The following LRBA variants were observed in gnomAD, a reference collection of about 807,000 sequenced individuals.
LRBA encodes lipopolysaccharide-responsive and beige-like anchor protein.
LRBA carries 176 observed loss-of-function variants against 330.0 expected under a neutral mutation model. The observed-to-expected ratio is 0.53, with a 90% confidence interval of 0.47 to 0.60. The LOEUF (loss-of-function observed/expected upper bound fraction) is 0.60, where lower values mean the gene tolerates loss of function less well. LRBA is among the 20% of genes least tolerant of loss of function. LRBA has a pLI of 0.00. For missense variants in LRBA, 3,259 were observed against 3,444.8 expected (o/e 0.95, Z 1.35); for synonymous variants, 1,230 against 1,193.0 (o/e 1.03, Z -0.64).
At chr4:150,311,196 C>T (rs531505748) in intron 51 of LRBA, 5 of 152,234 alleles carry the variant, frequency 3.3e-5, no homozygotes, top group African/African-American at 1.2e-4. Context: ...GGAATCTTCA[C>T]TGAGATGACT....
chr4:150,785,527 T>C (rs528528908), intron 34 of LRBA, among the ~76,000 whole-genome samples: 3 of 152,330 alleles, frequency 2.0e-5, no homozygotes, highest in East Asian at 3.9e-4. Flanking sequence ...CAAGGCTAGT[T>C]TGGCCTACGC....
At chr4:150,604,356 A>C (rs1774416043) in intron 37 of LRBA, among the ~76,000 whole-genome samples, 1 of 151,622 alleles carries the variant, frequency 6.6e-6, no homozygotes, top group African/African-American at 2.4e-5. Context: ...GTGAGCTCTG[A>C]TGATGGCAAT....
intron 40 of LRBA, among the ~76,000 whole-genome samples, chr4:150,557,352 T>A (rs1767459142): frequency 6.6e-6 from 1 of 152,168 alleles, no homozygotes; most frequent in Non-Finnish European, 1.5e-5. Flanking sequence ...AGGCATAATG[T>A]CAACTGATAA....
chr4:150,615,121 C>A (rs533131979), intron 37 of LRBA, among the ~76,000 whole-genome samples: 37 of 152,302 alleles, frequency 2.4e-4, no homozygotes, highest in African/African-American at 8.7e-4. Context: ...AACAGTAATG[C>A]AAAGGCCCTG....
At chr4:150,676,477 G>T (rs1337227312) in intron 37 of LRBA, among the ~76,000 whole-genome samples, 1 of 152,060 alleles carries the variant, frequency 6.6e-6, no homozygotes, top group Non-Finnish European at 1.5e-5. Context: ...AAATAAATAC[G>T]AAAAGAAGAA....
At chr4:150,819,804 G>A (rs1179131299) in intron 30 of LRBA, among the ~76,000 whole-genome samples, 1 of 152,042 alleles carries the variant, frequency 6.6e-6, no homozygotes, top group Non-Finnish European at 1.5e-5. Flanking sequence ...TGCTGTTAAT[G>A]TTTCAGTCAC....
chr4:150,918,220 T>C (rs552205529), intron 5 of LRBA, among the ~76,000 whole-genome samples: 1 of 152,180 alleles, frequency 6.6e-6, no homozygotes, highest in South Asian at 2.1e-4. Context: ...GAATACCTGA[T>C]AAAGGACTTG....
intron 36 of LRBA, among the ~76,000 whole-genome samples, chr4:150,687,763 A>G (rs1198574068): frequency 6.6e-6 from 1 of 152,088 alleles, no homozygotes. Flanking sequence ...TCATAGCTCT[A>G]CCTAATTTTA....
At position 150,264,474 on chromosome 4, in the gene LRBA, T is replaced by TGAC. The variant is rs1383095590; in HGVS notation, c.*1247_*1248insGTC. On this transcript the variant is annotated 3_prime_UTR_variant, in exon 57 of 57. Transcript: ENST00000651943. The stretch of plus-strand genomic sequence containing the variant: ...TCTTTGTGAATCATTATTTTATTAA[T>TGAC]GATGTTTAAAATTTAGGAGCAAAAA... 6.6e-6 allele frequency: 1 copy of TGAC among 151,904 alleles called. No homozygotes were observed. Among genetic ancestry groups the TGAC allele is most frequent in the Non-Finnish European group, 1.5e-5 (1 of 67,952 alleles). The allele number at this position is 151,904 out of a possible 1,614,324, so 9.4% of individuals were successfully genotyped here. A position where few individuals can be genotyped will look rare whatever the true frequency, so the allele number is the denominator to read the frequency against.
At chr4:150,357,856 A>G (rs1256404838) in intron 47 of LRBA, among the ~76,000 whole-genome samples, 1 of 152,106 alleles carries the variant, frequency 6.6e-6, no homozygotes, top group Non-Finnish European at 1.5e-5. Flanking sequence ...AAACTATGCC[A>G]TGAAATTTCA....
chr4:150,862,009 T>A (rs1752006059), intron 22 of LRBA, among the ~76,000 whole-genome samples: 1 of 151,120 alleles, frequency 6.6e-6, no homozygotes, highest in African/African-American at 2.4e-5. Context: ...AGAATGGTGA[T>A]CATTAAAAAA....
chr4:150,703,856 A>C (rs934803149), intron 36 of LRBA, among the ~76,000 whole-genome samples: 26 of 147,380 alleles, frequency 1.8e-4, no homozygotes, highest in African/African-American at 6.1e-4. Flanking sequence ...CATTAGCCCA[A>C]AAAAAAAAAA....
intron 40 of LRBA, among the ~76,000 whole-genome samples, chr4:150,493,810 A>C (rs1402193074): frequency 6.6e-6 from 1 of 152,222 alleles, no homozygotes; most frequent in Non-Finnish European, 1.5e-5. Flanking sequence ...TGTATCCATA[A>C]GAAAAACAAG....
chr4:150,770,405 T>C, intron 34 of LRBA, among the ~76,000 whole-genome samples: 1 of 152,154 alleles, frequency 6.6e-6, no homozygotes, highest in East Asian at 1.9e-4. Context: ...CTGATATGTA[T>C]ACTTTCCTAA....
At chr4:150,711,086 A>G (rs1219038433) in intron 36 of LRBA, among the ~76,000 whole-genome samples, 3 of 152,024 alleles carry the variant, frequency 2.0e-5, no homozygotes, top group Non-Finnish European at 4.4e-5. Context: ...ATGAACCCCA[A>G]TGAAAAAAAA....
intron 36 of LRBA, among the ~76,000 whole-genome samples, chr4:150,719,476 A>G (rs1728650477): frequency 6.6e-6 from 1 of 152,140 alleles, no homozygotes; most frequent in African/African-American, 2.4e-5. Flanking sequence ...TTTCCTAAAA[A>G]CAAATTAGCA....
At chr4:150,553,211 G>GC (rs1581654996) in intron 40 of LRBA, among the ~76,000 whole-genome samples, 1 of 151,952 alleles carries the variant, frequency 6.6e-6, no homozygotes, top group East Asian at 1.9e-4. Flanking sequence ...GCAAACTATC[G>GC]CAAGGACAGA....
rs371424136 is a variant in LRBA, at chr4:150,635,131, G to A, written c.5922-36000C>T. On this transcript the variant is annotated intron_variant, in intron 37 of 56. Coordinates refer to ENST00000651943, the MANE Select transcript of LRBA (RefSeq NM_001364905.1). ...AAGTCAACATGGCAGATTAGCATCC[G>A]AGACGGAGTTTCTTTAGCCTCCACA... Among the ~76,000 whole-genome samples, 14 of 152,232 alleles carry A rather than the reference G, an allele frequency of 9.2e-5. 1 individual carries two copies. Among genetic ancestry groups the A allele is most frequent in the African/African-American group, 3.4e-4 (14 of 41,532 alleles).
chr4:150,691,480 A>G (rs1784132829), intron 36 of LRBA, among the ~76,000 whole-genome samples: 1 of 152,210 alleles, frequency 6.6e-6, no homozygotes, highest in Non-Finnish European at 1.5e-5. Context: ...AAATACAAAT[A>G]AAAATCACAA....
Sources: gnomAD v4.1 joint callset for allele counts (sites outside exome capture counted in the v4.1 genomes callset) on GRCh38, gnomAD v4.1.1 for gene constraint, MANE v1.5 for transcripts, NCBI Gene and HGNC (gene_info 2026-07-23, HGNC 2026-07-21) for gene names.